The following MAP2 variants were observed in gnomAD, a reference collection of about 807,000 sequenced individuals.
MAP2 encodes the protein microtubule-associated protein 2.
MAP2 carries 14 observed loss-of-function variants against 137.6 expected under a neutral mutation model. The ratio of observed to expected loss-of-function variants is 0.10; its 90% CI spans 0.07 to 0.16. The LOEUF is 0.16. MAP2 is among the 10% of genes least tolerant of loss of function. The probability of loss-of-function intolerance (pLI) is 1.00; values close to 1 mark genes in which losing one functional copy is unlikely to be tolerated. For synonymous variants in MAP2, 786 were observed against 782.3 expected, an observed-to-expected ratio of 1.00 and a Z score of -0.08; for missense variants, 2,088 against 2,191.5, an observed-to-expected ratio of 0.95 and a Z score of 0.94.
chr2:209,598,850 G>A lies in MAP2; in HGVS notation c.-107+18750G>A, dbSNP rs1415135584. ...ATTTTCTTAATCCAGTCTATCATTG[G>A]TGGACATTTGGGTTGGTTCCAAGTC... On this transcript the variant is annotated intron_variant, in intron 3 of 15. Coordinates refer to ENST00000682079, the MANE Select transcript of MAP2 (RefSeq NM_001375505.1). 1.0e-3 allele frequency among the ~76,000 whole-genome samples: 155 copies of A among 150,222 alleles called. 1 individual carries two copies. The highest frequency in any genetic ancestry group is 1.9e-3 in the Non-Finnish European group (127 of 67,626).
At chr2:209,430,885 C>T (rs1306196281) in intron 1 of MAP2, among the ~76,000 whole-genome samples, 1 of 152,170 alleles carries the variant, frequency 6.6e-6, no homozygotes, top group Non-Finnish European at 1.5e-5. Context: ...AACCAAGTGA[C>T]TATGATCTAG....
chr2:209,641,350 A>G (rs1220146021), intron 4 of MAP2, among the ~76,000 whole-genome samples: 1 of 152,202 alleles, frequency 6.6e-6, no homozygotes, highest in Non-Finnish European at 1.5e-5. Context: ...ATCCAAATCC[A>G]AATTATAATT....
At chr2:209,697,113 C>A in intron 10 of MAP2, 62 bp downstream of exon 10, 5 of 1,456,776 alleles carry the variant, frequency 3.4e-6, no homozygotes, top group Non-Finnish European at 3.6e-6. Flanking sequence ...TTTTAAATCT[C>A]ATTACTGTAG....
intron 4 of MAP2, among the ~76,000 whole-genome samples, chr2:209,628,433 A>G (rs2092640462): frequency 6.6e-6 from 1 of 152,188 alleles, no homozygotes; most frequent in Admixed American, 6.5e-5. Flanking sequence ...TTTAAGACTC[A>G]GAGTAGATAA....
At chr2:209,435,956 C>T (rs889877676) in intron 1 of MAP2, among the ~76,000 whole-genome samples, 3 of 138,228 alleles carry the variant, frequency 2.2e-5, no homozygotes, top group Admixed American at 7.7e-5. Flanking sequence ...ACTATATATA[C>T]AGTATATATT....
chr2:209,496,059 C>G (rs1245052871), intron 1 of MAP2, among the ~76,000 whole-genome samples: 1 of 152,146 alleles, frequency 6.6e-6, no homozygotes, highest in Non-Finnish European at 1.5e-5. Flanking sequence ...GAGTACAGAA[C>G]ATTCCATTAA....
chr2:209,528,403 G>A (rs966654473), intron 2 of MAP2, among the ~76,000 whole-genome samples: 3 of 152,066 alleles, frequency 2.0e-5, no homozygotes, highest in East Asian at 3.8e-4. Flanking sequence ...AGAAAGATAG[G>A]AATGGTTCCT....
At chr2:209,636,665 A>G (rs923331113) in intron 4 of MAP2, among the ~76,000 whole-genome samples, 1 of 152,064 alleles carries the variant, frequency 6.6e-6, no homozygotes. Flanking sequence ...ATATCCATAT[A>G]CATACATCTA....
chr2:209,608,972 A>C (rs1226784706), intron 3 of MAP2, among the ~76,000 whole-genome samples: 1 of 152,046 alleles, frequency 6.6e-6, no homozygotes, highest in African/African-American at 2.4e-5. Context: ...TTAAAATTGA[A>C]TGTAATATAT....
At chr2:209,563,340 G>T (rs2072611498) in intron 2 of MAP2, among the ~76,000 whole-genome samples, 1 of 151,968 alleles carries the variant, frequency 6.6e-6, no homozygotes, top group Non-Finnish European at 1.5e-5. Flanking sequence ...AGTGATTGTG[G>T]TTTTTGTCAT....
chr2:209,618,803 A>T (rs6435533), intron 3 of MAP2, among the ~76,000 whole-genome samples: 8,763 of 151,234 alleles, frequency 0.058, 589 homozygotes, highest in South Asian at 0.23. Context: ...AGAAACTGAA[A>T]CCAAATGTCA....
intron 1 of MAP2, among the ~76,000 whole-genome samples, chr2:209,439,504 A>G (rs533980004): frequency 4.0e-5 from 6 of 151,632 alleles, no homozygotes; most frequent in African/African-American, 1.4e-4. Flanking sequence ...ATAATTACCA[A>G]AGATCTCTTG....
rs1580209257 is a variant in MAP2, at chr2:209,604,189, A to G, written c.-106-20864A>G. Among the ~76,000 whole-genome samples, 5 of 152,150 alleles carry G rather than the reference A, an allele frequency of 3.3e-5. No homozygotes were observed. In the East Asian group the frequency reaches 7.7e-4, roughly 23 times the overall value. ...CAAGAAAGATGAACAGATTTTTAGA[A>G]TGTTTGCATTTATTTAATCACAACT... On this transcript the variant is annotated intron_variant, in intron 3 of 15. Coordinates refer to ENST00000682079, the MANE Select transcript of MAP2 (RefSeq NM_001375505.1).
intron 9 of MAP2, 74 bp from the exon 10 acceptor site, chr2:209,696,843 A>G: frequency 6.5e-7 from 1 of 1,545,786 alleles, no homozygotes; most frequent in South Asian, 1.2e-5. Context: ...AATTATTTAT[A>G]AAATTTCGTT....
intron 5 of MAP2, among the ~76,000 whole-genome samples, chr2:209,673,389 A>G (rs1418149238): frequency 1.3e-5 from 2 of 151,848 alleles, no homozygotes; most frequent in Non-Finnish European, 2.9e-5. Context: ...ACAAATTAAC[A>G]TTCAAATACC....
chr2:209,696,267 C>A lies in MAP2; in HGVS notation c.4097C>A (p.Thr1366Lys). Residue 1366 changes from threonine (T) to lysine (K), a missense_variant, in exon 8 of 16, where the codon ACA becomes AAA. Coordinates refer to ENST00000682079, the MANE Select transcript of MAP2 (RefSeq NM_001375505.1). The stretch of plus-strand genomic sequence containing the variant: ...GAGGTTGCACTTTCTGAATATAAGA[C>A]AGAAACCTATGACGATTACAAAGAT... ...REEVALSEYK[T>K]ETYDDYKDET... 6.2e-7 allele frequency: 1 copy of A among 1,609,878 alleles called. No individual in the cohort carries two copies. Among genetic ancestry groups the A allele is most frequent in the Non-Finnish European group, 8.5e-7 (1 of 1,178,768 alleles).
intron 2 of MAP2, among the ~76,000 whole-genome samples, chr2:209,521,593 A>G (rs1010260029): frequency 2.0e-5 from 3 of 152,004 alleles, no homozygotes; most frequent in African/African-American, 4.8e-5. Flanking sequence ...GTTAGGACTG[A>G]TATCTTTCTC....
At chr2:209,600,525 G>A (rs1398132828) in intron 3 of MAP2, among the ~76,000 whole-genome samples, 1 of 152,038 alleles carries the variant, frequency 6.6e-6, no homozygotes, top group African/African-American at 2.4e-5. Context: ...CACATATTCG[G>A]GTAGACAGTT....
chr2:209,609,427 A>G (rs552711147), intron 3 of MAP2, among the ~76,000 whole-genome samples: 5 of 152,278 alleles, frequency 3.3e-5, no homozygotes, highest in African/African-American at 1.2e-4. Context: ...GAGTTATGCA[A>G]GCATATCCAT....
Sources: allele counts gnomAD v4.1 joint callset (sites outside exome capture counted in the v4.1 genomes callset), GRCh38; gene constraint gnomAD v4.1.1; transcripts MANE v1.5; gene names NCBI Gene and HGNC (gene_info 2026-07-23, HGNC 2026-07-21).